Variants in LARP6 observed in about 807,000 individuals in gnomAD.
The protein encoded by LARP6 is la-related protein 6.
LARP6 carries 18 observed loss-of-function variants against 32.8 expected under a neutral mutation model. The ratio of observed to expected loss-of-function variants is 0.55; its 90% CI spans 0.38 to 0.81. LARP6 has a LOEUF of 0.81. Among genes scored for constraint, LARP6 ranks in the 40% least tolerant of loss-of-function variants. The pLI, the probability that LARP6 is intolerant of heterozygous loss-of-function variation, is 0.00. For missense variants in LARP6, 598 were observed against 663.1 expected (o/e 0.90, Z 1.08); for synonymous variants, 289 against 267.2 (o/e 1.08, Z -0.80).
In LARP6 at chr15:70,851,820, G is replaced by A. The variant is rs1364601370; in HGVS notation, c.200+2069C>T. 4 of 1,570,450 alleles carry A rather than the reference G, an allele frequency of 2.5e-6. No homozygotes were observed. In the African/African-American group the frequency reaches 4.1e-5, roughly 16 times the overall value. Reference sequence around the variant, plus strand: ...ACAGAGAAGAAAGGAAACACAGCCAGCTCTGGGGTGGGGATTGGGGGTGGT... The same window carrying A: ...ACAGAGAAGAAAGGAAACACAGCCAACTCTGGGGTGGGGATTGGGGGTGGT... On this transcript the variant is annotated intron_variant, in intron 1 of 2. Transcript: ENST00000299213.
chr15:70,850,043 G>A (rs1403322501), intron 1 of LARP6, among the ~76,000 whole-genome samples: 2 of 152,160 alleles, frequency 1.3e-5, no homozygotes, highest in African/African-American at 4.8e-5. Flanking sequence ...ATCATCAATA[G>A]ATGCTAAAAT....
chr15:70,846,859 CCT>C, intron 1 of LARP6, among the ~76,000 whole-genome samples: 2 of 152,252 alleles, frequency 1.3e-5, no homozygotes, highest in Non-Finnish European at 2.9e-5. Flanking sequence ...ATGCCTTGCT[CCT>C]CTCTCTCGGG....
At chr15:70,853,765 C>CCGG (rs2032557607) in intron 1 of LARP6, 124 bp downstream of exon 1, 1 of 704,068 alleles carries the variant, frequency 1.4e-6, no homozygotes, top group African/African-American at 1.9e-5. Context: ...AGCTGCTTCC[C>CCGG]CGGCGGCGGG....
chr15:70,833,227 T>G, intron 2 of LARP6, 111 bp from the exon 3 acceptor site: 21 of 814,168 alleles, frequency 2.6e-5, no homozygotes, highest in Non-Finnish European at 4.1e-5. Flanking sequence ...AGAATCCCTG[T>G]ATTCTAGTGT....
intron 1 of LARP6, among the ~76,000 whole-genome samples, chr15:70,839,193 C>T (rs1378370606): frequency 6.6e-6 from 1 of 152,120 alleles, no homozygotes; most frequent in African/African-American, 2.4e-5. Flanking sequence ...TAACCCAGCA[C>T]TTTGGGAGGC....
chr15:70,847,661 T>C (rs1004748159), intron 1 of LARP6, among the ~76,000 whole-genome samples: 4 of 152,088 alleles, frequency 2.6e-5, no homozygotes, highest in Admixed American at 1.3e-4. Flanking sequence ...GTCATATTTG[T>C]AAATGATTTA....
Position 70,832,563 on chromosome 15 carries a change from T to G in LARP6, c.965A>C (p.Lys322Thr). The change falls in exon 3 of 3, where the codon AAG becomes ACG. Residue 322 changes from lysine (K) to threonine (T), a missense_variant. Physicochemically the swap from Lys to Thr is moderately conservative, Grantham distance 78. Transcript: ENST00000299213. ...ASIHLNKSLN[K>T]RVEELQYMGD... ...CATGTACTGAAGCTCCTCGACTCTCTTGTTCAGGGACTTGTTCAGGTGGAT... is the reference window on the plus strand; with the variant it reads ...CATGTACTGAAGCTCCTCGACTCTCGTGTTCAGGGACTTGTTCAGGTGGAT... 6.4e-7 allele frequency: 1 copy of G among 1,570,918 alleles called. No homozygotes were observed. Among genetic ancestry groups the G allele is most frequent in the African/African-American group, 1.4e-5 (1 of 73,260 alleles).
intron 1 of LARP6, among the ~76,000 whole-genome samples, chr15:70,838,216 A>G (rs1330630613): frequency 6.6e-6 from 1 of 152,172 alleles, no homozygotes; most frequent in Admixed American, 6.5e-5. Context: ...ATTGTTTATT[A>G]GTTAAGTAAA....
intron 1 of LARP6, among the ~76,000 whole-genome samples, chr15:70,841,276 G>A (rs368541671): frequency 3.3e-5 from 5 of 152,224 alleles, no homozygotes; most frequent in East Asian, 1.9e-4. Flanking sequence ...TCCCAAGGTC[G>A]GCCATGTCTG....
chr15:70,830,150 A>T lies in LARP6; in HGVS notation c.*1902T>A, dbSNP rs1282880748. 6.6e-6 allele frequency: 1 copy of T among 152,292 alleles called. No homozygotes were observed. The highest frequency in any genetic ancestry group is 2.4e-5 in the African/African-American group (1 of 41,462). The allele number at this position is 152,292 out of a possible 1,614,324, so 9.4% of individuals were successfully genotyped here. Reference sequence around the variant, plus strand: ...ACAGCTGGTAGTGCTGGAAATGGCAAATCCAGAACATTGCTGGAGGCATTT... The same window carrying T: ...ACAGCTGGTAGTGCTGGAAATGGCATATCCAGAACATTGCTGGAGGCATTT... On this transcript the variant is annotated 3_prime_UTR_variant, in exon 3 of 3. Coordinates refer to ENST00000299213, the MANE Select transcript of LARP6 (RefSeq NM_018357.4).
chr15:70,845,784 T>C (rs1889689831), intron 1 of LARP6, among the ~76,000 whole-genome samples: 1 of 152,236 alleles, frequency 6.6e-6, no homozygotes, highest in African/African-American at 2.4e-5. Flanking sequence ...CCTAGATGGC[T>C]CTATGTACAC....
intron 1 of LARP6, among the ~76,000 whole-genome samples, chr15:70,838,923 A>AAAAAG (rs982110151): frequency 2.0e-4 from 30 of 151,644 alleles, no homozygotes; most frequent in East Asian, 7.7e-4. Flanking sequence ...AAAAAAAAAA[A>AAAAAG]AAAAGAAAAG....
At chr15:70,846,650 A>ATACG (rs2032352002) in intron 1 of LARP6, among the ~76,000 whole-genome samples, 1 of 151,852 alleles carries the variant, frequency 6.6e-6, no homozygotes, top group East Asian at 1.9e-4. Flanking sequence ...ACATACATAC[A>ATACG]TAATAAAAAA....
In LARP6 at chr15:70,841,456, G is replaced by A. The variant is rs2032256962; in HGVS notation, c.201-4951C>T. ...ATCAAAGAACTTGTAGCCATATCCA[G>A]GTGTCTCTTCTCCATCTTGGTCCTT... On this transcript the variant is annotated intron_variant, in intron 1 of 2. Transcript: ENST00000299213. Among the ~76,000 whole-genome samples, 5 of 152,080 alleles carry A rather than the reference G, an allele frequency of 3.3e-5. No homozygotes were observed. The South Asian group carries it at 8.3e-4, about 25-fold the overall frequency.
At position 70,836,348 on chromosome 15, in the gene LARP6, T is replaced by C; in HGVS notation, c.358A>G (p.Arg120Gly). 1.2e-6 allele frequency: 2 copies of C among 1,614,178 alleles called. No individual in the cohort carries two copies. Among genetic ancestry groups the C allele is most frequent in the Non-Finnish European group, 1.7e-6 (2 of 1,180,022 alleles). The change falls in exon 2 of 3, where the codon AGG becomes GGG. Residue 120 changes from arginine to glycine, a missense_variant. Coordinates refer to ENST00000299213, the MANE Select transcript of LARP6 (RefSeq NM_018357.4). ...CTCACATATCCCAGCTTGTTCCTCCTCACGTGTTTTAGCAAAAAGGCGTCC... is the reference window on the plus strand; with the variant it reads ...CTCACATATCCCAGCTTGTTCCTCCCCACGTGTTTTAGCAAAAAGGCGTCC... ...EKDAFLLKHV[R>G]RNKLGYVSVK...
chr15:70,832,960 C>T lies in LARP6; in HGVS notation c.568G>A (p.Asp190Asn). 1 of 1,609,622 alleles carries T rather than the reference C, an allele frequency of 6.2e-7. No individual in the cohort carries two copies. The highest frequency in any genetic ancestry group is 8.5e-7 in the Non-Finnish European group (1 of 1,177,716). ...CACAGCTTAGGAGACAAGTAGAGAT[C>T]ATAGACCAGGAGCATCTTGCTGGGG... ...NLPSKMLLVY[D>N]LYLSPKLWAL... is the part of the protein sequence containing the mutation. The change falls in exon 3 of 3, where the codon GAT becomes AAT. Residue 190 changes from aspartate to asparagine, a missense_variant. Transcript: ENST00000299213.
intron 2 of LARP6, among the ~76,000 whole-genome samples, chr15:70,833,935 T>C (rs1038261402): frequency 6.6e-6 from 1 of 152,212 alleles, no homozygotes; most frequent in Non-Finnish European, 1.5e-5. Context: ...AATGTTGCAG[T>C]ATATGGAAGC....
Position 70,832,363 on chromosome 15 carries a change from G to C in LARP6, c.1165C>G (p.Arg389Gly). ...GGGGACTTTCTGGAAACGCCTTTGCGTTGGGCCAAGGGGCTGCTCCAAGGA... is the reference window on the plus strand; with the variant it reads ...GGGGACTTTCTGGAAACGCCTTTGCCTTGGGCCAAGGGGCTGCTCCAAGGA... ...TSPWSSPLAQ[R>G]KGVSRKSPLA... The change falls in exon 3 of 3, where the codon CGC becomes GGC. Residue 389 changes from arginine (R) to glycine (G), a missense_variant. By Grantham distance (125) the Arg-to-Gly change is moderately radical. Transcript: ENST00000299213. The C allele has an allele frequency of 6.2e-7, 1 of 1,613,960 alleles. No homozygotes were observed. The highest frequency in any genetic ancestry group is 1.1e-5 in the South Asian group (1 of 91,056).
At chr15:70,844,543 T>C (rs750645046) in intron 1 of LARP6, among the ~76,000 whole-genome samples, 2 of 152,328 alleles carry the variant, frequency 1.3e-5, no homozygotes, top group Non-Finnish European at 1.5e-5. Flanking sequence ...ATTATGACTA[T>C]GTAAACACTG....
Sources: gnomAD v4.1 joint callset for allele counts (sites outside exome capture counted in the v4.1 genomes callset) on GRCh38, gnomAD v4.1.1 for gene constraint, MANE v1.5 for transcripts, NCBI Gene and HGNC (gene_info 2026-07-23, HGNC 2026-07-21) for gene names.